Variants in OPALIN observed in about 807,000 individuals in gnomAD.
OPALIN encodes oligodendrocytic myelin paranodal and inner loop protein, also known as transmembrane protein 10.
Under a neutral mutation model 17.8 loss-of-function variants are expected in OPALIN, and 15 were observed. The ratio of observed to expected loss-of-function variants is 0.84; its 90% CI spans 0.56 to 1.29. OPALIN has a LOEUF of 1.29. Ranked by LOEUF, OPALIN falls within the 50% of genes most tolerant of loss-of-function variation. The probability of loss-of-function intolerance (pLI) is 0.00; values close to 1 mark genes in which losing one functional copy is unlikely to be tolerated. For missense variants in OPALIN, 170 were observed against 176.0 expected, an observed-to-expected ratio of 0.97 and a Z score of 0.19; for synonymous variants, 62 against 63.8, an observed-to-expected ratio of 0.97 and a Z score of 0.14.
At chr10:96,349,650 T>G (rs1845487416) in intron 4 of OPALIN, 57 bp downstream of exon 4, 17 of 1,569,628 alleles carry the variant, frequency 1.1e-5, no homozygotes, top group Non-Finnish European at 1.5e-5. Flanking sequence ...CAAAAGCCAG[T>G]TCACTGAAAT....
chr10:96,358,186 T>TAAAAAAAAAAA lies in OPALIN; in HGVS notation c.3+697_3+707dup, dbSNP rs61616596. ...CTACTCCTTTTAACAATGCTTTTTGTAAAAAAAAAAAAAAAAAAAAAAAAA... is the reference window on the plus strand; with the variant it reads ...CTACTCCTTTTAACAATGCTTTTTGTAAAAAAAAAAAAAAAAAAAAAAAAAAAAAAAAAAAA... On this transcript the variant is annotated intron_variant, in intron 1 of 5. Coordinates refer to ENST00000371172, the MANE Select transcript of OPALIN (RefSeq NM_033207.5). Among the ~76,000 whole-genome samples the TAAAAAAAAAAA allele has an allele frequency of 4.8e-3, 295 of 61,566 alleles. 13 individuals carry two copies. The East Asian group carries it at 0.056, about 12-fold the overall frequency. 40.4% of individuals were successfully genotyped at this position (61,566 alleles called of 152,430 possible). A position where few individuals can be genotyped will look rare whatever the true frequency, so the allele number is the denominator to read the frequency against.
At position 96,349,732 on chromosome 10, in the gene OPALIN, C is replaced by T. The variant is rs778468563; in HGVS notation, c.167G>A (p.Arg56Lys). 11 of 1,614,026 alleles carry T rather than the reference C, an allele frequency of 6.8e-6. No individual in the cohort carries two copies. The highest frequency in any genetic ancestry group is 9.3e-6 in the Non-Finnish European group (11 of 1,179,936). ...CTCCATGGCCTCAATGCTGCTTCTT[C>T]TTCGGTGAATCAAAGTAAATAGTAA... Reference protein sequence around the residue: ...VALLFTLIHRRRSSIEAMEES... With the variant: ...VALLFTLIHRKRSSIEAMEES... The change falls in exon 4 of 6, where the codon AGA becomes AAA. Residue 56 changes from arginine (R) to lysine (K), a missense_variant. Coordinates refer to ENST00000371172, the MANE Select transcript of OPALIN (RefSeq NM_033207.5).
In OPALIN at chr10:96,345,958, T is replaced by C; in HGVS notation, c.409A>G (p.Arg137Gly). The C allele has an allele frequency of 6.2e-7, 1 of 1,614,082 alleles. No homozygotes were observed. The highest frequency in any genetic ancestry group is 8.5e-7 in the Non-Finnish European group (1 of 1,179,968). ...GAGCTGCATCATTCCAGGCTCAGTC[T>C]GGGCACAAGCCACCACAATCCCCTC... ...RRRGLWWLVP[R>G]LSLE is the part of the protein sequence containing the mutation. The change falls in exon 6 of 6, where the codon AGA (arginine) becomes GGA (glycine). Residue 137 changes from arginine (R) to glycine (G), a missense_variant. Arg to Gly is a moderately radical substitution (Grantham distance 125, BLOSUM62 -2). Transcript: ENST00000371172.
At chr10:96,353,413 A>C (rs1845665941) in intron 2 of OPALIN, 2 of 1,613,564 alleles carry the variant, frequency 1.2e-6, no homozygotes, top group Non-Finnish European at 8.5e-7. Flanking sequence ...AGGGTTATGC[A>C]GTAGAAATGT....
At chr10:96,351,238 G>A (rs1845565939) in intron 3 of OPALIN, 140 bp downstream of exon 3, 2 of 630,422 alleles carry the variant, frequency 3.2e-6, no homozygotes, top group South Asian at 3.8e-5. Context: ...TTTGAGCGGA[G>A]CTGGTCAAGA....
rs1845257561 is a variant in OPALIN, at chr10:96,345,110, T to G, written c.*831A>C. On this transcript the variant is annotated 3_prime_UTR_variant, in exon 6 of 6. Transcript: ENST00000371172. Reference sequence around the variant, plus strand: ...TCCTAAATGTTCCCTTGTGTGGCCCTGTGACTATGGGGAACAAATGCTGGT... The same window carrying G: ...TCCTAAATGTTCCCTTGTGTGGCCCGGTGACTATGGGGAACAAATGCTGGT... 6.6e-6 allele frequency: 1 copy of G among 152,204 alleles called. No homozygotes were observed. The highest frequency in any genetic ancestry group is 1.5e-5 in the Non-Finnish European group (1 of 68,048). The allele number at this position is 152,204 out of a possible 1,614,324, so 9.4% of individuals were successfully genotyped here. A position where few individuals can be genotyped will look rare whatever the true frequency, so the allele number is the denominator to read the frequency against.
At position 96,355,265 on chromosome 10, in the gene OPALIN, G is replaced by T; in HGVS notation, c.29C>A (p.Pro10Gln). MSFSLNFTL[P>Q]ANTTSSPVTG... ...GGCTGCTGTACTTACTGTGTTCGCC[G>T]GCAGGGTGAAGTTCAGTGAAAAACT... is the stretch of plus-strand genomic sequence containing the variant. Residue 10 changes from proline to glutamine, a missense_variant, in exon 2 of 6, where the codon CCG (proline) becomes CAG (glutamine). By Grantham distance (76) the Pro-to-Gln change is moderately conservative (BLOSUM62 -1). Coordinates refer to ENST00000371172, the MANE Select transcript of OPALIN (RefSeq NM_033207.5). 2 of 1,613,848 alleles carry T rather than the reference G, an allele frequency of 1.2e-6. No individual in the cohort carries two copies. The highest frequency in any genetic ancestry group is 1.1e-5 in the South Asian group (1 of 91,050).
intron 5 of OPALIN, among the ~76,000 whole-genome samples, 153 bp downstream of exon 5, chr10:96,348,136 A>C (rs1383278428): frequency 6.6e-6 from 1 of 152,348 alleles, no homozygotes; most frequent in East Asian, 1.9e-4. Flanking sequence ...GCCAATAAAA[A>C]TGCACTGAGA....
chr10:96,357,623 C>T (rs1280588185), intron 1 of OPALIN, among the ~76,000 whole-genome samples: 1 of 152,216 alleles, frequency 6.6e-6, no homozygotes, highest in Non-Finnish European at 1.5e-5. Context: ...ATACTATTAA[C>T]TTGCCTTGCC....
intron 2 of OPALIN, among the ~76,000 whole-genome samples, chr10:96,354,883 G>A (rs1353763648): frequency 1.3e-5 from 2 of 150,228 alleles, no homozygotes; most frequent in African/African-American, 2.5e-5. Context: ...ATCACCTGAG[G>A]TCAGGAGTTT....
At chr10:96,355,209 C>G (rs1845767934) in intron 2 of OPALIN, 46 bp downstream of exon 2, 2 of 1,550,836 alleles carry the variant, frequency 1.3e-6, no homozygotes, top group East Asian at 2.4e-5. Context: ...AAATTCTGCA[C>G]TGGTCTTCTC....
intron 1 of OPALIN, chr10:96,356,984 A>T (rs1845848250): frequency 1.0e-6 from 1 of 985,350 alleles, no homozygotes; most frequent in Non-Finnish European, 1.2e-6. Context: ...TCTGTGGATG[A>T]ATCAGAGCAC....
intron 5 of OPALIN, 143 bp from the exon 6 acceptor site, chr10:96,346,260 A>G (rs937405254): frequency 2.0e-5 from 14 of 692,776 alleles, no homozygotes; most frequent in Admixed American, 1.6e-4. Flanking sequence ...TCAAGACACT[A>G]GACAACAGGC....
At chr10:96,348,369 TAAAAG>T in intron 4 of OPALIN, 24 bp from the exon 5 acceptor site, 2 of 1,184,340 alleles carry the variant, frequency 1.7e-6, no homozygotes, top group Non-Finnish European at 2.5e-6. Context: ...AATATAATAA[TAAAAG>T]AAAGAAAGAA....
At chr10:96,350,477 G>C (rs1845533925) in intron 3 of OPALIN, among the ~76,000 whole-genome samples, 1 of 152,126 alleles carries the variant, frequency 6.6e-6, no homozygotes, top group South Asian at 2.1e-4. Context: ...GCCTCCCAAA[G>C]TGCTGGGATT....
Position 96,351,408 on chromosome 10 carries a change from C to A in OPALIN, c.42G>T (p.Thr14=). ...CTTTCCCACCTGTGACAGGAGAGGA[C>A]GTCTGTATGGAAAAAGAACATATAT... ...SLNFTLPANT[T]SSPVTGGKET... The change falls in exon 3 of 6, where the codon ACG becomes ACT. Residue 14 remains threonine (T), a splice_region_variant and synonymous_variant. Transcript: ENST00000371172. 6.5e-7 allele frequency: 1 copy of A among 1,538,594 alleles called. No individual in the cohort carries two copies.
chr10:96,352,240 G>C, intron 2 of OPALIN, among the ~76,000 whole-genome samples: 1 of 152,072 alleles, frequency 6.6e-6, no homozygotes, highest in East Asian at 1.9e-4. Flanking sequence ...ACTTTGCAAA[G>C]CTCTGTCCAG....
intron 2 of OPALIN, among the ~76,000 whole-genome samples, chr10:96,354,221 A>G: frequency 6.6e-6 from 1 of 152,080 alleles, no homozygotes; most frequent in Non-Finnish European, 1.5e-5. Context: ...ATCTATATGC[A>G]ATGTGCAAAC....
chr10:96,356,452 G>A (rs1845822380), intron 1 of OPALIN, among the ~76,000 whole-genome samples: 1 of 152,186 alleles, frequency 6.6e-6, no homozygotes, highest in Non-Finnish European at 1.5e-5. Context: ...TCCAGCAGAG[G>A]AAACTGAAAC....
Sources: gnomAD v4.1 joint callset for allele counts (sites outside exome capture counted in the v4.1 genomes callset) on GRCh38, gnomAD v4.1.1 for gene constraint, MANE v1.5 for transcripts, NCBI Gene and HGNC (gene_info 2026-07-23, HGNC 2026-07-21) for gene names.